IQSEC3: variants seen among roughly 807,000 people sequenced by gnomAD.
IQSEC3 encodes IQ motif and SEC7 domain-containing protein 3.
In IQSEC3, 50 loss-of-function variants were observed where a neutral mutation model predicts 105.4. The ratio of observed to expected loss-of-function variants is 0.47; its 90% CI spans 0.38 to 0.60. IQSEC3 has a LOEUF of 0.60. IQSEC3 is among the 20% of genes least tolerant of loss of function. The pLI is 0.00. For missense variants in IQSEC3, 1,415 were observed against 1,630.0 expected, an observed-to-expected ratio of 0.87 and a Z score of 2.27; for synonymous variants, 708 against 746.0, an observed-to-expected ratio of 0.95 and a Z score of 0.83.
chr12:119,611 T>C (rs1374273278), intron 2 of IQSEC3, among the ~76,000 whole-genome samples: 1 of 151,982 alleles, frequency 6.6e-6, no homozygotes, highest in Non-Finnish European at 1.5e-5. Context: ...TTTTACCAGG[T>C]GATGCACTTG....
At position 161,921 on chromosome 12, in the gene IQSEC3, G is replaced by T. The variant is rs782038833; in HGVS notation, c.2444-5G>T. ...CCACCACCCCTGCCCACTCCACGTT[G>T]TTAGGTGTGGACGATGGCGCTGACA... On this transcript the variant is annotated splice_polypyrimidine_tract_variant and splice_region_variant and intron_variant, in intron 7 of 13. Coordinates refer to ENST00000538872, the MANE Select transcript of IQSEC3 (RefSeq NM_001170738.2). 8 of 1,588,812 alleles carry T rather than the reference G, an allele frequency of 5.0e-6. No individual in the cohort carries two copies. The highest frequency in any genetic ancestry group is 4.0e-4 in the Middle Eastern group (2 of 5,042).
Position 157,521 on chromosome 12 carries a change from C to A in IQSEC3, c.2277-7C>A. The A allele has an allele frequency of 6.2e-7, 1 of 1,608,360 alleles. No homozygotes were observed. Among genetic ancestry groups the A allele is most frequent in the Non-Finnish European group, 8.5e-7 (1 of 1,176,768 alleles). ...CAGCGTCCGCTCTGCATCTGACCCC[C>A]CCACAGCCAGCGCTACTGCATGTGC... On this transcript the variant is annotated splice_polypyrimidine_tract_variant and splice_region_variant and intron_variant, in intron 6 of 13. Coordinates refer to ENST00000538872, the MANE Select transcript of IQSEC3 (RefSeq NM_001170738.2).
chr12:82,244 A>G (rs895872218), intron 1 of IQSEC3, among the ~76,000 whole-genome samples: 95 of 152,304 alleles, frequency 6.2e-4, no homozygotes, highest in African/African-American at 2.2e-3. Context: ...TACCTATTAG[A>G]GGGATACATT....
At chr12:91,957 T>A (rs1261494287) in intron 1 of IQSEC3, among the ~76,000 whole-genome samples, 2 of 152,050 alleles carry the variant, frequency 1.3e-5, no homozygotes, top group African/African-American at 4.8e-5. Context: ...GAACACAGCC[T>A]CCTACCCTGG....
Position 174,937 on chromosome 12 carries a change from GC to G in IQSEC3, c.3458del (p.Pro1153HisfsTer66). Reference sequence around the variant, plus strand: ...TCACCCACCAGCCTCCGCTGCCCCCGCCCCCACCCCCCTACAACCACCCTCA... The same window carrying G: ...TCACCCACCAGCCTCCGCTGCCCCCGCCCCACCCCCCTACAACCACCCTCA... ...KVTHQPPLPPPPPPYNHPHQF... is the reference protein window; with the variant it reads ...KVTHQPPLPPXPPPYNHPHQF... On this transcript the variant is annotated frameshift_variant, in exon 14 of 14. Transcript: ENST00000538872. LOFTEE classifies it high-confidence loss of function. The G allele has an allele frequency of 3.3e-6, 2 of 611,368 alleles. No homozygotes were observed. Among genetic ancestry groups the G allele is most frequent in the Non-Finnish European group, 5.0e-6 (2 of 400,050 alleles). 37.9% of individuals were successfully genotyped at this position (611,368 alleles called of 1,614,324 possible).
At chr12:97,652 T>A (rs1388984053) in intron 1 of IQSEC3, among the ~76,000 whole-genome samples, 2 of 152,130 alleles carry the variant, frequency 1.3e-5, no homozygotes, top group African/African-American at 4.8e-5. Flanking sequence ...TCTATCTCTA[T>A]GAAATTTTTT....
chr12:85,229 A>G (rs1468674345), intron 1 of IQSEC3, among the ~76,000 whole-genome samples: 1 of 152,220 alleles, frequency 6.6e-6, no homozygotes, highest in Non-Finnish European at 1.5e-5. Flanking sequence ...CTGTGGAGGC[A>G]TGCTGCCCTG....
intron 2 of IQSEC3, among the ~76,000 whole-genome samples, chr12:119,136 A>G (rs968535637): frequency 5.3e-5 from 8 of 152,164 alleles, no homozygotes; most frequent in Non-Finnish European, 1.0e-4. Flanking sequence ...ACCTCCTAGC[A>G]GGTAGTTGCA....
intron 11 of IQSEC3, 116 bp from the exon 12 acceptor site, chr12:168,897 T>C: frequency 3.5e-6 from 3 of 846,584 alleles, no homozygotes; most frequent in Non-Finnish European, 6.0e-6. Context: ...TTTCACAGCA[T>C]GTACTGGGAC....
intron 1 of IQSEC3, among the ~76,000 whole-genome samples, chr12:92,169 G>A (rs537809426): frequency 2.6e-4 from 40 of 152,286 alleles, no homozygotes; most frequent in Admixed American, 2.4e-3. Context: ...ACAGGGGACT[G>A]AATTCTGCTT....
chr12:164,261 AACCACCTCTC>A lies in IQSEC3; in HGVS notation c.2709+651_2709+660del, dbSNP rs1287825969. Among the ~76,000 whole-genome samples, 12 of 152,070 alleles carry A rather than the reference AACCACCTCTC, an allele frequency of 7.9e-5. 1 individual carries two copies. Among genetic ancestry groups the A allele is most frequent in the Admixed American group, 7.9e-4 (12 of 15,268 alleles). ...TGCCTCCAAAGTGATCACAAGCCTG[AACCACCTCTC>A]ACCACCTCCACTACTACAGTCTTAG... On this transcript the variant is annotated intron_variant, in intron 9 of 13. Coordinates refer to ENST00000538872, the MANE Select transcript of IQSEC3 (RefSeq NM_001170738.2).
chr12:165,598 G>A, intron 10 of IQSEC3, 65 bp downstream of exon 10: 1 of 1,576,734 alleles, frequency 6.3e-7, no homozygotes, highest in Non-Finnish European at 8.7e-7. Context: ...GCTGGGGCGA[G>A]TTGAGGGAGA....
chr12:79,589 CCTGA>C (rs1863675799), intron 1 of IQSEC3, among the ~76,000 whole-genome samples: 1 of 152,054 alleles, frequency 6.6e-6, no homozygotes, highest in Admixed American at 6.6e-5. Context: ...CATCACGACA[CCTGA>C]CTAATTTTCT....
chr12:138,227 C>A lies in IQSEC3; in HGVS notation c.904-40C>A. The A allele has an allele frequency of 6.5e-7, 1 of 1,542,654 alleles. No homozygotes were observed. The highest frequency in any genetic ancestry group is 1.2e-5 in the South Asian group (1 of 83,182). On this transcript the variant is annotated intron_variant, in intron 3 of 13. Transcript: ENST00000538872. This position sits in a 1 kb window ranked among gnomAD's most constrained non-coding sequence, Gnocchi z 7.1. ...TCCTCAGAAGGGCTGACCACCCTTC[C>A]CCTCTGAGCCCTTCCTCCTCTCTGT...
intron 2 of IQSEC3, among the ~76,000 whole-genome samples, chr12:113,988 C>A (rs1403290165): frequency 2.6e-5 from 4 of 152,230 alleles, no homozygotes; most frequent in African/African-American, 9.6e-5. Flanking sequence ...CCTGGCTTGG[C>A]CACTCACAAA....
Position 163,634 on chromosome 12 carries a change from C to A in IQSEC3, c.2709+15C>A. The stretch of plus-strand genomic sequence containing the variant: ...ACCTGCTGGTGGTGAGTGGCCTCCG[C>A]TCCGGGACTGGGCTGGGCTGGGGCT... On this transcript the variant is annotated intron_variant, in intron 9 of 13. Transcript: ENST00000538872. 7.3e-7 allele frequency: 1 copy of A among 1,373,096 alleles called. No individual in the cohort carries two copies. The highest frequency in any genetic ancestry group is 1.0e-6 in the Non-Finnish European group (1 of 961,780). The allele number at this position is 1,373,096 out of a possible 1,614,324, so 85.1% of individuals were successfully genotyped here. A position where few individuals can be genotyped will look rare whatever the true frequency, so the allele number is the denominator to read the frequency against.
intron 1 of IQSEC3, among the ~76,000 whole-genome samples, chr12:81,194 T>C (rs1227153729): frequency 2.0e-5 from 3 of 152,180 alleles, no homozygotes; most frequent in Non-Finnish European, 4.4e-5. Context: ...CATCCTGCAG[T>C]GTGTGGGACA....
At chr12:73,699 A>G (rs1444251426) in intron 1 of IQSEC3, among the ~76,000 whole-genome samples, 2 of 152,180 alleles carry the variant, frequency 1.3e-5, no homozygotes, top group Non-Finnish European at 2.9e-5. Flanking sequence ...AAAAAGAAAA[A>G]GAAACCAGGG....
At chr12:75,733 C>G (rs1555068858) in intron 1 of IQSEC3, among the ~76,000 whole-genome samples, 2 of 152,258 alleles carry the variant, frequency 1.3e-5, no homozygotes. Flanking sequence ...TACATAAACT[C>G]TCCGTCTGTA....
Sources: allele counts gnomAD v4.1 joint callset (sites outside exome capture counted in the v4.1 genomes callset), GRCh38; gene constraint gnomAD v4.1.1; non-coding constraint Gnocchi (gnomAD v3.1); transcripts MANE v1.5; gene names NCBI Gene and HGNC (gene_info 2026-07-23, HGNC 2026-07-21).